Variants in PACRG observed in about 807,000 individuals in gnomAD.
The protein encoded by PACRG is parkin coregulated gene protein.
A neutral mutation model predicts 29.7 loss-of-function variants in PACRG; 29 were observed. That is an observed-to-expected ratio of 0.98 (90% CI 0.73 to 1.33). The LOEUF (loss-of-function observed/expected upper bound fraction) is 1.33, where lower values mean the gene tolerates loss of function less well. Ranked by LOEUF, PACRG falls within the 40% of genes most tolerant of loss-of-function variation. PACRG has a pLI of 0.00. For missense variants in PACRG, 279 were observed against 316.2 expected (o/e 0.88, Z 0.89); for synonymous variants, 116 against 118.7 (o/e 0.98, Z 0.15).
chr6:162,825,168 C>T (rs992635265), intron 2 of PACRG, among the ~76,000 whole-genome samples: 5 of 152,108 alleles, frequency 3.3e-5, no homozygotes, highest in African/African-American at 1.2e-4. Flanking sequence ...GTGGCAATCC[C>T]AAGTATCAAT....
At chr6:163,257,689 A>G (rs570930210) in intron 4 of PACRG, among the ~76,000 whole-genome samples, 10 of 152,360 alleles carry the variant, frequency 6.6e-5, no homozygotes, top group East Asian at 1.9e-4. Context: ...ATGTAAGTGT[A>G]TGAACAGATA....
At chr6:162,986,851 T>C (rs1334501533) in intron 2 of PACRG, among the ~76,000 whole-genome samples, 3 of 152,168 alleles carry the variant, frequency 2.0e-5, no homozygotes, top group Non-Finnish European at 4.4e-5. Context: ...TAAGTGTGTC[T>C]TTTATTTCCA....
intron 4 of PACRG, among the ~76,000 whole-genome samples, chr6:163,119,436 C>T (rs1816163494): frequency 6.6e-6 from 1 of 152,216 alleles, no homozygotes; most frequent in South Asian, 2.1e-4. Flanking sequence ...ATTGGCTTTT[C>T]CTGGCACGAT....
At chr6:163,308,073 A>G (rs531302603) in intron 4 of PACRG, among the ~76,000 whole-genome samples, 60 of 152,356 alleles carry the variant, frequency 3.9e-4, no homozygotes, top group African/African-American at 1.4e-3. Flanking sequence ...AATTTAATCT[A>G]GGTATTGAAA....
At chr6:163,023,180 G>A (rs1416251639) in intron 2 of PACRG, among the ~76,000 whole-genome samples, 1 of 152,086 alleles carries the variant, frequency 6.6e-6, no homozygotes, top group Non-Finnish European at 1.5e-5. Flanking sequence ...CCGTCACCCT[G>A]GCCATGAGCA....
At chr6:163,155,349 G>T (rs1448411882) in intron 4 of PACRG, among the ~76,000 whole-genome samples, 4 of 152,232 alleles carry the variant, frequency 2.6e-5, no homozygotes, top group Non-Finnish European at 5.9e-5. Context: ...AGGGATCAGG[G>T]AACACTTCCA....
intron 4 of PACRG, among the ~76,000 whole-genome samples, chr6:163,149,829 G>A (rs1017402370): frequency 6.6e-6 from 1 of 152,172 alleles, no homozygotes; most frequent in Non-Finnish European, 1.5e-5. Flanking sequence ...CCCACCCTGC[G>A]TTTCCTACCT....
intron 4 of PACRG, among the ~76,000 whole-genome samples, chr6:163,286,569 A>C (rs569739944): frequency 6.6e-6 from 1 of 152,232 alleles, no homozygotes; most frequent in African/African-American, 2.4e-5. Flanking sequence ...ATATGATCAT[A>C]ATTTCTGCCA....
intron 4 of PACRG, among the ~76,000 whole-genome samples, chr6:163,095,690 C>T (rs2069608602): frequency 6.6e-6 from 1 of 152,100 alleles, no homozygotes; most frequent in South Asian, 2.1e-4. Context: ...GGCCTTTTTT[C>T]CTGTGCGTCT....
intron 2 of PACRG, among the ~76,000 whole-genome samples, chr6:162,976,718 A>G (rs1801991414): frequency 6.6e-6 from 1 of 152,212 alleles, no homozygotes; most frequent in African/African-American, 2.4e-5. Flanking sequence ...ATAAATATCT[A>G]TAAAACAATA....
intron 1 of PACRG, among the ~76,000 whole-genome samples, chr6:162,779,125 C>T (rs1360154604): frequency 8.5e-5 from 13 of 152,120 alleles, no homozygotes; most frequent in Admixed American, 3.3e-4. Context: ...AGCAAGAACA[C>T]GCGGTGTTTG....
intron 2 of PACRG, among the ~76,000 whole-genome samples, chr6:163,043,882 T>C (rs1238813727): frequency 1.3e-5 from 2 of 152,144 alleles, no homozygotes; most frequent in Non-Finnish European, 2.9e-5. Context: ...TCTAAGTGGA[T>C]GTGCCCAAAG....
chr6:163,269,869 G>A (rs13210158), intron 4 of PACRG, among the ~76,000 whole-genome samples: 2 of 46,706 alleles, frequency 4.3e-5, no homozygotes, highest in East Asian at 5.5e-4. Flanking sequence ...GAAAGAAAGA[G>A]AAAGAAAGAA....
intron 4 of PACRG, among the ~76,000 whole-genome samples, chr6:163,092,478 G>A (rs771859520): frequency 5.9e-5 from 9 of 152,180 alleles, no homozygotes; most frequent in Non-Finnish European, 1.3e-4. Flanking sequence ...AGAGAAAGTG[G>A]CTGTATCCTC....
intron 2 of PACRG, among the ~76,000 whole-genome samples, chr6:162,986,667 C>A (rs776125731): frequency 1.3e-5 from 2 of 152,100 alleles, no homozygotes; most frequent in African/African-American, 2.4e-5. Flanking sequence ...ACTTCATGAC[C>A]AAGAACCTTG....
intron 2 of PACRG, among the ~76,000 whole-genome samples, chr6:162,998,791 A>G (rs1804318901): frequency 6.6e-6 from 1 of 152,246 alleles, no homozygotes; most frequent in Non-Finnish European, 1.5e-5. Context: ...CCTATATGTT[A>G]TATGATACCA....
intron 2 of PACRG, among the ~76,000 whole-genome samples, chr6:162,822,202 G>T (rs1787901071): frequency 6.6e-6 from 1 of 152,104 alleles, no homozygotes; most frequent in African/African-American, 2.4e-5. Flanking sequence ...CTTTTAATGT[G>T]CAGGTTTAAG....
chr6:163,223,338 A>C (rs1459372474), intron 4 of PACRG, among the ~76,000 whole-genome samples: 2 of 152,148 alleles, frequency 1.3e-5, no homozygotes, highest in Non-Finnish European at 2.9e-5. Context: ...AGGTTGCAGT[A>C]AGCCGAGATT....
chr6:163,175,513 T>C (rs1779303670), intron 4 of PACRG, among the ~76,000 whole-genome samples: 1 of 151,954 alleles, frequency 6.6e-6, no homozygotes, highest in African/African-American at 2.4e-5. Flanking sequence ...TGGTAACAGT[T>C]CTTTCTGGTG....
Sources: gnomAD v4.1 joint callset for allele counts (sites outside exome capture counted in the v4.1 genomes callset) on GRCh38, gnomAD v4.1.1 for gene constraint, MANE v1.5 for transcripts, NCBI Gene and HGNC (gene_info 2026-07-23, HGNC 2026-07-21) for gene names.